Variants in TRIM35 observed in about 807,000 individuals in gnomAD.
TRIM35 encodes tripartite motif containing 35, also known as E3 ubiquitin-protein ligase TRIM35.
In TRIM35, 37 loss-of-function variants were observed where a neutral mutation model predicts 49.1. The ratio of observed to expected loss-of-function variants is 0.75; its 90% CI spans 0.58 to 0.99. The LOEUF (loss-of-function observed/expected upper bound fraction) is 0.99. Ranked by LOEUF, TRIM35 falls within the 50% of genes least tolerant of loss-of-function variation. The pLI is 0.00. For missense variants in TRIM35, 648 were observed against 702.7 expected (o/e 0.92, Z 0.88); for synonymous variants, 302 against 289.3 (o/e 1.04, Z -0.45).
Position 27,311,128 on chromosome 8 carries a change from G to A in TRIM35, c.108C>T (p.Cys36=), listed in dbSNP as rs763860168. The A allele has an allele frequency of 1.9e-6, 3 of 1,601,156 alleles. No individual in the cohort carries two copies. Among genetic ancestry groups the A allele is most frequent in the Non-Finnish European group, 2.6e-6 (3 of 1,175,158 alleles). Residue 36 remains cysteine, a synonymous_variant, in exon 1 of 6, where the codon TGC becomes TGT. Transcript: ENST00000305364. ...CGCACCCGCGGCAGAAGTTGTGGCC[G>A]CAGCGCAGAGTGACTGCGTCGCGGA... ...DPFRDAVTLR[C]GHNFCRGCVS...
chr8:27,292,530 A>G (rs915749934), intron 3 of TRIM35, among the ~76,000 whole-genome samples: 1 of 152,266 alleles, frequency 6.6e-6, no homozygotes, highest in African/African-American at 2.4e-5. Context: ...GCTGACTGAA[A>G]GAAGGCAGTC....
At chr8:27,301,014 G>A (rs1412089730) in intron 1 of TRIM35, among the ~76,000 whole-genome samples, 2 of 152,118 alleles carry the variant, frequency 1.3e-5, no homozygotes, top group Non-Finnish European at 2.9e-5. Flanking sequence ...GATGGGAAGG[G>A]GATAGTCCCT....
intron 1 of TRIM35, chr8:27,304,777 A>C: frequency 4.4e-6 from 2 of 453,964 alleles, no homozygotes; most frequent in Non-Finnish European, 8.8e-6. Context: ...TCCTGGACTG[A>C]AGGTTAGGAG....
At chr8:27,295,446 G>A (rs547484247) in intron 2 of TRIM35, among the ~76,000 whole-genome samples, 2 of 152,280 alleles carry the variant, frequency 1.3e-5, no homozygotes, top group South Asian at 4.1e-4. Flanking sequence ...AAGTTATGAT[G>A]GGGTTACATC....
chr8:27,295,936 C>A (rs961867801), intron 2 of TRIM35, among the ~76,000 whole-genome samples: 3 of 152,060 alleles, frequency 2.0e-5, no homozygotes, highest in Non-Finnish European at 4.4e-5. Flanking sequence ...AGCACTCTTA[C>A]AAATCCACTA....
At chr8:27,288,183 C>T (rs527730777) in intron 5 of TRIM35, 56 bp from the exon 6 acceptor site, 17 of 1,501,654 alleles carry the variant, frequency 1.1e-5, no homozygotes, top group South Asian at 9.9e-5. Context: ...TTAGGCCACA[C>T]GTGGATATCT....
intron 5 of TRIM35, among the ~76,000 whole-genome samples, chr8:27,288,785 C>G (rs1416994464): frequency 6.6e-6 from 1 of 152,194 alleles, no homozygotes; most frequent in Non-Finnish European, 1.5e-5. Context: ...TATTCCTCCC[C>G]GTAAAACCAG....
At chr8:27,303,765 C>T (rs1355020019) in intron 1 of TRIM35, among the ~76,000 whole-genome samples, 4 of 152,220 alleles carry the variant, frequency 2.6e-5, no homozygotes, top group Admixed American at 6.5e-5. Context: ...GCAATCTCGG[C>T]TCACTGCAAC....
chr8:27,309,907 G>A (rs11787220), intron 1 of TRIM35, among the ~76,000 whole-genome samples: 16,091 of 150,866 alleles, frequency 0.11, 1,053 homozygotes, highest in African/African-American at 0.17. Context: ...CACCAGAATC[G>A]CTTGAACCCA....
chr8:27,286,889 C>T lies in TRIM35; in HGVS notation c.*661G>A, dbSNP rs1048011281. ...CAGCTGCCTCCTTCACATGGCTCTC[C>T]CAGGGCTGTCACACCCCAGGCCAAC... On this transcript the variant is annotated 3_prime_UTR_variant, in exon 6 of 6. Coordinates refer to ENST00000305364, the MANE Select transcript of TRIM35 (RefSeq NM_171982.5). The T allele has an allele frequency of 6.5e-6, 1 of 152,758 alleles. No individual in the cohort carries two copies. The highest frequency in any genetic ancestry group is 1.5e-5 in the Non-Finnish European group (1 of 68,532). The allele number at this position is 152,758 out of a possible 1,614,324, so 9.5% of individuals were successfully genotyped here. A position where few individuals can be genotyped will look rare whatever the true frequency, so the allele number is the denominator to read the frequency against.
intron 1 of TRIM35, among the ~76,000 whole-genome samples, chr8:27,298,903 G>A (rs1359369339): frequency 6.6e-6 from 1 of 152,126 alleles, no homozygotes; most frequent in Admixed American, 6.5e-5. Context: ...GTTCATGCTG[G>A]GTCTGAATCC....
chr8:27,310,754 G>C (rs573009351), intron 1 of TRIM35, 47 bp downstream of exon 1: 1 of 1,528,726 alleles, frequency 6.5e-7, no homozygotes, highest in Non-Finnish European at 8.8e-7. Flanking sequence ...AAGGGATTCC[G>C]GGTTCCAGAC....
intron 1 of TRIM35, among the ~76,000 whole-genome samples, chr8:27,303,271 A>G (rs1018297079): frequency 6.6e-6 from 1 of 152,176 alleles, no homozygotes; most frequent in Non-Finnish European, 1.5e-5. Context: ...AATTACCGAT[A>G]TGTTTGCATT....
In TRIM35 at chr8:27,294,182, G is replaced by A. The variant is rs113278994; in HGVS notation, c.660C>T (p.Ala220=). The change falls in exon 3 of 6, where the codon GCC becomes GCT. Residue 220 remains alanine (A), a synonymous_variant. Transcript: ENST00000305364. ...CTGTGAGCTGCTTCATCTTCTCGTC[G>A]GCCAGAAGTTGCTTCTGCCTTGTCT... ...AEETRQKQLL[A]DEKMKQLTEE... is the part of the protein sequence containing the mutation. 123 of 1,614,150 alleles carry A rather than the reference G, an allele frequency of 7.6e-5. No individual in the cohort carries two copies. The African/African-American group carries it at 1.3e-3, about 17-fold the overall frequency.
At chr8:27,310,154 A>G (rs1802889572) in intron 1 of TRIM35, among the ~76,000 whole-genome samples, 1 of 152,174 alleles carries the variant, frequency 6.6e-6, no homozygotes, top group African/African-American at 2.4e-5. Context: ...GCTAACCCTT[A>G]TCTTCTATTC....
At chr8:27,298,378 C>A in intron 2 of TRIM35, 86 bp downstream of exon 2, 1 of 1,371,076 alleles carries the variant, frequency 7.3e-7, no homozygotes, top group Non-Finnish European at 1.0e-6. Context: ...TTATGTGAGC[C>A]AAAGCCACGG....
At chr8:27,302,440 T>C (rs1363932358) in intron 1 of TRIM35, among the ~76,000 whole-genome samples, 2 of 152,156 alleles carry the variant, frequency 1.3e-5, no homozygotes, top group Non-Finnish European at 2.9e-5. Flanking sequence ...AGGGTCCCCC[T>C]CTGTCACCCA....
At chr8:27,289,575 C>A (rs1011627975) in intron 4 of TRIM35, among the ~76,000 whole-genome samples, 5 of 152,220 alleles carry the variant, frequency 3.3e-5, no homozygotes, top group African/African-American at 1.2e-4. Flanking sequence ...ATCACACTTA[C>A]ACATCCGGCT....
chr8:27,287,794 G>A lies in TRIM35; in HGVS notation c.1238C>T (p.Ser413Leu), dbSNP rs373434031. ...GACCAGGGGCGACGTGGCTGGGTCC[G>A]AGGTCACGCAGTGGTCCCCCTCCAC... ...QGVEGDHCVT[S>L]DPATSPLVLA... The change falls in exon 6 of 6, where the codon TCG becomes TTG. Residue 413 changes from serine to leucine, a missense_variant. By Grantham distance (145) the Ser-to-Leu change is moderately radical. Transcript: ENST00000305364. The surrounding 1 kb of genome is among the most constrained non-coding windows in gnomAD (Gnocchi z 6.0). 5.6e-6 allele frequency: 9 copies of A among 1,610,406 alleles called. No individual in the cohort carries two copies. Among genetic ancestry groups the A allele is most frequent in the African/African-American group, 5.3e-5 (4 of 74,896 alleles).
Sources: gnomAD v4.1 joint callset for allele counts (sites outside exome capture counted in the v4.1 genomes callset) on GRCh38, gnomAD v4.1.1 for gene constraint, Gnocchi (gnomAD v3.1) non-coding constraint, MANE v1.5 for transcripts, NCBI Gene and HGNC (gene_info 2026-07-23, HGNC 2026-07-21) for gene names.